The following DACH1 variants were observed in gnomAD, a reference collection of about 807,000 sequenced individuals.
The protein encoded by DACH1 is dachshund family transcription factor 1.
In DACH1, 12 loss-of-function variants were observed where a neutral mutation model predicts 54.2. The ratio of observed to expected loss-of-function variants is 0.22; its 90% CI spans 0.14 to 0.36. The LOEUF is 0.36. Among genes scored for constraint, DACH1 ranks in the 10% least tolerant of loss-of-function variants. The pLI is 1.00. For synonymous variants in DACH1, 386 were observed against 366.2 expected (o/e 1.05, Z -0.62); for missense variants, 805 against 929.8 (o/e 0.87, Z 1.75).
At chr13:71,713,120 C>T (rs1382077638) in intron 1 of DACH1, among the ~76,000 whole-genome samples, 3 of 150,872 alleles carry the variant, frequency 2.0e-5, no homozygotes, top group African/African-American at 7.3e-5. Context: ...GTTTTGTAAC[C>T]ATGGTAAAAC....
chr13:71,758,858 GTTA>G (rs1885279273), intron 1 of DACH1, among the ~76,000 whole-genome samples: 1 of 151,760 alleles, frequency 6.6e-6, no homozygotes, highest in Non-Finnish European at 1.5e-5. Flanking sequence ...TTTGAAGAAA[GTTA>G]TTATGTACCT....
chr13:71,437,980 T>A lies in DACH1; in HGVS notation c.*2675A>T, dbSNP rs915962087. 6.6e-6 allele frequency: 1 copy of A among 152,258 alleles called. No homozygotes were observed. 9.4% of individuals were successfully genotyped at this position (152,258 alleles called of 1,614,324 possible). A position where few individuals can be genotyped will look rare whatever the true frequency, so the allele number is the denominator to read the frequency against. Reference sequence around the variant, plus strand: ...AAAGTCACAGGGAGATTTCAGACAGTTTTATTAGGAGATTGTTGAAAAGGA... The same window carrying A: ...AAAGTCACAGGGAGATTTCAGACAGATTTATTAGGAGATTGTTGAAAAGGA... On this transcript the variant is annotated 3_prime_UTR_variant, in exon 11 of 11. Transcript: ENST00000613252.
At position 71,745,978 on chromosome 13, in the gene DACH1, C is replaced by T. The variant is rs746756108; in HGVS notation, c.849-64068G>A. ...CCCAAGCCTGTAATCCCAGCACTTT[C>T]GGAGGCCAACGCGGGTGGATCACGA... On this transcript the variant is annotated intron_variant, in intron 1 of 10. Coordinates refer to ENST00000613252, the MANE Select transcript of DACH1 (RefSeq NM_080759.6). 1.1e-4 allele frequency among the ~76,000 whole-genome samples: 16 copies of T among 152,212 alleles called. No homozygotes were observed. The South Asian group carries it at 1.5e-3, about 14-fold the overall frequency.
intron 1 of DACH1, among the ~76,000 whole-genome samples, chr13:71,759,218 A>G (rs1228679981): frequency 6.6e-6 from 1 of 152,154 alleles, no homozygotes; most frequent in Non-Finnish European, 1.5e-5. Context: ...TCCCTAAAAA[A>G]AAAAGATAGG....
chr13:71,487,670 T>C lies in DACH1; in HGVS notation c.1722+1327A>G, dbSNP rs571644770. On this transcript the variant is annotated intron_variant, in intron 7 of 10. Transcript: ENST00000613252. Reference sequence around the variant, plus strand: ...AATTGAAATTAAATCCTCACTGACCTGGTTAAAGAGCTTTCAGTTAATGAC... The same window carrying C: ...AATTGAAATTAAATCCTCACTGACCCGGTTAAAGAGCTTTCAGTTAATGAC... 3.9e-5 allele frequency among the ~76,000 whole-genome samples: 6 copies of C among 152,340 alleles called. No individual in the cohort carries two copies. The South Asian group carries it at 1.2e-3, about 32-fold the overall frequency.
rs367828443 is a variant in DACH1 at position 71,826,490 on chromosome 13, G to A, written c.848+39432C>T. On this transcript the variant is annotated intron_variant, in intron 1 of 10. Coordinates refer to ENST00000613252, the MANE Select transcript of DACH1 (RefSeq NM_080759.6). ...TCTCCCTTTGGTCCTCCTCTAGATG[G>A]CATTCCTAGGAACATCTATAACCTG... is the stretch of plus-strand genomic sequence containing the variant. 4.6e-5 allele frequency among the ~76,000 whole-genome samples: 7 copies of A among 151,812 alleles called. No individual in the cohort carries two copies. The South Asian group carries it at 1.0e-3, about 22-fold the overall frequency.
At chr13:71,798,986 A>G (rs1443556220) in intron 1 of DACH1, among the ~76,000 whole-genome samples, 1 of 152,078 alleles carries the variant, frequency 6.6e-6, no homozygotes, top group Non-Finnish European at 1.5e-5. Context: ...CTGTTTGTTT[A>G]TACACACTTA....
chr13:71,631,576 T>G (rs1233265702), intron 2 of DACH1, among the ~76,000 whole-genome samples: 2 of 152,210 alleles, frequency 1.3e-5, no homozygotes, highest in Admixed American at 6.5e-5. Context: ...TTATGAAATT[T>G]AAGTGCTGAT....
chr13:71,732,766 A>T (rs998672496), intron 1 of DACH1, among the ~76,000 whole-genome samples: 4 of 152,112 alleles, frequency 2.6e-5, no homozygotes, highest in African/African-American at 9.7e-5. Flanking sequence ...AAAGTTGAAT[A>T]GTTGCAACAG....
At chr13:71,575,737 A>G (rs1046634245) in intron 3 of DACH1, among the ~76,000 whole-genome samples, 13 of 152,186 alleles carry the variant, frequency 8.5e-5, no homozygotes, top group South Asian at 4.1e-4. Context: ...TTCTAATACT[A>G]TATTAGATTT....
chr13:71,705,851 C>A (rs112635793), intron 1 of DACH1, among the ~76,000 whole-genome samples: 26 of 151,928 alleles, frequency 1.7e-4, no homozygotes, highest in Non-Finnish European at 2.5e-4. Flanking sequence ...ATGGTTCATA[C>A]AAATTCTGTA....
chr13:71,538,673 G>T (rs527844172), intron 6 of DACH1, among the ~76,000 whole-genome samples: 7 of 152,042 alleles, frequency 4.6e-5, no homozygotes, highest in African/African-American at 1.4e-4. Flanking sequence ...AGAGTTTCTG[G>T]ATATTTTTAG....
At chr13:71,594,175 A>C (rs1873927075) in intron 3 of DACH1, among the ~76,000 whole-genome samples, 2 of 151,548 alleles carry the variant, frequency 1.3e-5, no homozygotes, top group Admixed American at 6.6e-5. Flanking sequence ...TAATATAAAA[A>C]AATTTTTAGA....
intron 1 of DACH1, among the ~76,000 whole-genome samples, chr13:71,709,001 C>T (rs1882584936): frequency 6.6e-6 from 1 of 151,578 alleles, no homozygotes; most frequent in Non-Finnish European, 1.5e-5. Context: ...TACAGGCGCC[C>T]GCCACCATGC....
At chr13:71,531,171 G>T (rs187452442) in intron 6 of DACH1, among the ~76,000 whole-genome samples, 2 of 152,036 alleles carry the variant, frequency 1.3e-5, no homozygotes, top group African/African-American at 4.8e-5. Context: ...TAGGAGGAGA[G>T]TATTCCTCTA....
intron 2 of DACH1, among the ~76,000 whole-genome samples, chr13:71,643,351 G>A (rs1474707153): frequency 1.3e-5 from 2 of 152,102 alleles, no homozygotes; most frequent in Middle Eastern, 3.2e-3. Flanking sequence ...TTTCTTATGA[G>A]AATTAGAAAA....
intron 1 of DACH1, among the ~76,000 whole-genome samples, chr13:71,795,687 A>T (rs1887018446): frequency 6.6e-6 from 1 of 152,142 alleles, no homozygotes. Context: ...AACAAATCAG[A>T]CTTTGAAATC....
chr13:71,726,294 G>A (rs1883466068), intron 1 of DACH1, among the ~76,000 whole-genome samples: 1 of 152,026 alleles, frequency 6.6e-6, no homozygotes, highest in Non-Finnish European at 1.5e-5. Flanking sequence ...TCATTACTGA[G>A]AGAAAAAGCA....
chr13:71,834,110 T>C (rs1240791746), intron 1 of DACH1, among the ~76,000 whole-genome samples: 1 of 152,004 alleles, frequency 6.6e-6, no homozygotes, highest in African/African-American at 2.4e-5. Context: ...CAAGGACTCT[T>C]AATAAAATGG....
Sources: gnomAD v4.1 joint callset for allele counts (sites outside exome capture counted in the v4.1 genomes callset) on GRCh38, gnomAD v4.1.1 for gene constraint, MANE v1.5 for transcripts, NCBI Gene and HGNC (gene_info 2026-07-23, HGNC 2026-07-21) for gene names.